GALNT13: variants seen among roughly 807,000 people sequenced by gnomAD.
GALNT13 encodes polypeptide N-acetylgalactosaminyltransferase 13.
A neutral mutation model predicts 64.2 loss-of-function variants in GALNT13; 28 were observed. The ratio of observed to expected loss-of-function variants is 0.44; its 90% CI spans 0.32 to 0.60. The LOEUF is 0.60. Ranked by LOEUF, GALNT13 falls within the 20% of genes least tolerant of loss-of-function variation. GALNT13 has a pLI of 0.05. For missense variants in GALNT13, 577 were observed against 669.8 expected, an observed-to-expected ratio of 0.86 and a Z score of 1.53; for synonymous variants, 214 against 224.6, an observed-to-expected ratio of 0.95 and a Z score of 0.42.
chr2:153,976,315 A>G (rs1429481277), intron 3 of GALNT13, among the ~76,000 whole-genome samples: 1 of 152,138 alleles, frequency 6.6e-6, no homozygotes, highest in Non-Finnish European at 1.5e-5. Flanking sequence ...TGGTTTCTGT[A>G]GTTCCTAAAC....
At chr2:153,733,228 AC>A in the GALNT13 span, among the ~76,000 whole-genome samples, 2 of 152,314 alleles carry the variant, frequency 1.3e-5, no homozygotes, top group African/African-American at 4.8e-5. Context: ...TTTCTACCAA[AC>A]AAAACATTAG....
At chr2:153,527,354 G>T in the GALNT13 span, among the ~76,000 whole-genome samples, 2 of 152,152 alleles carry the variant, frequency 1.3e-5, no homozygotes. Context: ...ACATTGAAGT[G>T]GAAACCTTAC....
intron 1 of GALNT13, among the ~76,000 whole-genome samples, chr2:153,887,800 G>A (rs1687290118): frequency 6.6e-6 from 1 of 151,896 alleles, no homozygotes; most frequent in African/African-American, 2.4e-5. Context: ...TGTGGAAGAG[G>A]CTTAGAGAAA....
intron 3 of GALNT13, among the ~76,000 whole-genome samples, chr2:153,984,126 A>G (rs1694644138): frequency 6.6e-6 from 1 of 151,794 alleles, no homozygotes; most frequent in Non-Finnish European, 1.5e-5. Context: ...GAAATACCCA[A>G]TTCTTAAACT....
the GALNT13 span, among the ~76,000 whole-genome samples, chr2:153,427,552 G>C: frequency 6.6e-6 from 1 of 152,076 alleles, no homozygotes; most frequent in Non-Finnish European, 1.5e-5. Flanking sequence ...TTAGACATTA[G>C]CCTTGGGAAA....
At chr2:154,222,386 C>G (rs1461443101) in intron 4 of GALNT13, among the ~76,000 whole-genome samples, 1 of 151,872 alleles carries the variant, frequency 6.6e-6, no homozygotes, top group Non-Finnish European at 1.5e-5. Flanking sequence ...TTCTGATCAG[C>G]CAATATCATG....
the GALNT13 span, among the ~76,000 whole-genome samples, chr2:153,503,703 A>G: frequency 6.6e-6 from 1 of 152,110 alleles, no homozygotes; most frequent in Non-Finnish European, 1.5e-5. Flanking sequence ...GGCCTCCCAA[A>G]GTGCTAGGAT....
intron 3 of GALNT13, among the ~76,000 whole-genome samples, chr2:154,116,334 G>A (rs1681562317): frequency 6.6e-6 from 1 of 152,124 alleles, no homozygotes; most frequent in Non-Finnish European, 1.5e-5. Flanking sequence ...AACCTGGTGA[G>A]GCTGTGCATG....
rs1047866603 is a variant in GALNT13, at chr2:153,956,757, T to C, written c.142+12118T>C. On this transcript the variant is annotated intron_variant, in intron 3 of 12. Coordinates refer to ENST00000392825, the MANE Select transcript of GALNT13 (RefSeq NM_052917.4). ...TAAAGAATACATTTCTTTGGCACAT[T>C]TTATGTAAACCTAGGGAGGAAGAAA... Among the ~76,000 whole-genome samples the C allele has an allele frequency of 2.0e-5, 3 of 152,112 alleles. No individual in the cohort carries two copies. The South Asian group carries it at 6.2e-4, about 32-fold the overall frequency.
chr2:153,461,515 C>A, the GALNT13 span, among the ~76,000 whole-genome samples: 1 of 152,020 alleles, frequency 6.6e-6, no homozygotes, highest in East Asian at 1.9e-4. Context: ...GATGTGAGGA[C>A]TGGGGCCCCT....
intron 3 of GALNT13, among the ~76,000 whole-genome samples, chr2:154,028,633 AT>A (rs1470326162): frequency 6.6e-6 from 1 of 152,026 alleles, no homozygotes; most frequent in African/African-American, 2.4e-5. Context: ...AAGTATATAA[AT>A]TTTTTAATTG....
chr2:153,128,133 C>A, the GALNT13 span, among the ~76,000 whole-genome samples: 1 of 152,172 alleles, frequency 6.6e-6, no homozygotes. Context: ...AGCACCTGTT[C>A]TTTGTCATAT....
At chr2:153,357,044 T>A in the GALNT13 span, among the ~76,000 whole-genome samples, 10 of 151,632 alleles carry the variant, frequency 6.6e-5, no homozygotes, top group African/African-American at 2.2e-4. Context: ...TCCTGATCTC[T>A]CAATCCACCT....
the GALNT13 span, among the ~76,000 whole-genome samples, chr2:153,519,947 A>T: frequency 6.6e-6 from 1 of 152,128 alleles, no homozygotes; most frequent in Non-Finnish European, 1.5e-5. Flanking sequence ...TGGCCTGAAG[A>T]TCTTCGTTTT....
intron 4 of GALNT13, among the ~76,000 whole-genome samples, chr2:154,163,500 C>T (rs1241661383): frequency 6.6e-6 from 1 of 152,186 alleles, no homozygotes; most frequent in Non-Finnish European, 1.5e-5. Flanking sequence ...TCTCAACCCA[C>T]ATTCTTTAGT....
At chr2:154,292,127 T>C (rs547103489) in intron 8 of GALNT13, among the ~76,000 whole-genome samples, 43 of 152,270 alleles carry the variant, frequency 2.8e-4, no homozygotes, top group African/African-American at 1.0e-3. Flanking sequence ...TCCATTTTGA[T>C]GTGAGTATTT....
chr2:153,933,003 T>A (rs781127887), intron 2 of GALNT13, among the ~76,000 whole-genome samples: 9 of 152,188 alleles, frequency 5.9e-5, no homozygotes, highest in Admixed American at 1.3e-4. Flanking sequence ...GATTTCAGCT[T>A]TTTTAAAAAT....
In GALNT13 at chr2:153,897,006, C is replaced by T. The variant is rs1201618954; in HGVS notation, c.-176-3930C>T. On this transcript the variant is annotated intron_variant, in intron 1 of 12. Transcript: ENST00000392825. ...TTTGCCTCTTTTGCTTCATTTCTGT[C>T]TGTGCTTTCTCTCTATGTGCTCATG... is the stretch of plus-strand genomic sequence containing the variant. Among the ~76,000 whole-genome samples the T allele has an allele frequency of 2.6e-5, 4 of 152,112 alleles. No homozygotes were observed. The South Asian group carries it at 8.3e-4, about 31-fold the overall frequency.
chr2:153,248,853 C>CA, the GALNT13 span, among the ~76,000 whole-genome samples: 1 of 147,388 alleles, frequency 6.8e-6, no homozygotes, highest in Non-Finnish European at 1.5e-5. Flanking sequence ...AAAAAACCCT[C>CA]AATAAACTAG....
Sources: allele counts gnomAD v4.1 joint callset (sites outside exome capture counted in the v4.1 genomes callset), GRCh38; gene constraint gnomAD v4.1.1; transcripts MANE v1.5; gene names NCBI Gene and HGNC (gene_info 2026-07-23, HGNC 2026-07-21).